Variants in TNS3 observed in about 807,000 individuals in gnomAD.
The protein encoded by TNS3 is tensin-3.
TNS3 carries 45 observed loss-of-function variants against 140.9 expected under a neutral mutation model. The observed-to-expected ratio is 0.32, with a 90% CI of 0.25 to 0.41. The LOEUF is 0.41. Ranked by LOEUF, TNS3 falls within the 10% of genes least tolerant of loss-of-function variation. The probability of loss-of-function intolerance (pLI) is 1.00; values close to 1 mark genes in which losing one functional copy is unlikely to be tolerated. For synonymous variants in TNS3, 815 were observed against 788.4 expected, an observed-to-expected ratio of 1.03 and a Z score of -0.56; for missense variants, 1,716 against 1,906.7, an observed-to-expected ratio of 0.90 and a Z score of 1.86.
At chr7:47,380,418 G>A (rs545485031) in intron 16 of TNS3, among the ~76,000 whole-genome samples, 22 of 152,314 alleles carry the variant, frequency 1.4e-4, no homozygotes, top group South Asian at 2.1e-4. Flanking sequence ...CCACAGAGGC[G>A]GCCAGAGAGC....
chr7:47,430,132 T>TTTTC (rs1491378925), intron 8 of TNS3, among the ~76,000 whole-genome samples: 1 of 50,362 alleles, frequency 2.0e-5, no homozygotes, highest in African/African-American at 7.2e-5. Flanking sequence ...TTTTCTTTTC[T>TTTTC]TTTTTTTTTT....
chr7:47,313,699 C>T (rs973028089), intron 20 of TNS3, among the ~76,000 whole-genome samples: 3 of 152,158 alleles, frequency 2.0e-5, no homozygotes, highest in South Asian at 2.1e-4. Flanking sequence ...TCTAGAAGAC[C>T]CCATGCCATG....
chr7:47,537,463 G>T (rs1799643576), intron 1 of TNS3, among the ~76,000 whole-genome samples: 1 of 151,088 alleles, frequency 6.6e-6, no homozygotes, highest in Non-Finnish European at 1.5e-5. Flanking sequence ...AGGCTGAGCC[G>T]CCAAACACTG....
chr7:47,377,265 G>C (rs1457099268), intron 16 of TNS3, among the ~76,000 whole-genome samples: 1 of 152,234 alleles, frequency 6.6e-6, no homozygotes, highest in Non-Finnish European at 1.5e-5. Flanking sequence ...TGAAGACAGA[G>C]AGGCTTCGGT....
At chr7:47,316,094 T>TTCTCTCTCTCTCTC (rs56939479) in intron 20 of TNS3, among the ~76,000 whole-genome samples, 4 of 105,782 alleles carry the variant, frequency 3.8e-5, no homozygotes, top group Non-Finnish European at 5.9e-5. Flanking sequence ...AACTAACTAT[T>TTCTCTCTCTCTCTC]TCTCTCTCTC....
In TNS3 at chr7:47,379,512, C is replaced by T. The variant is rs141473922; in HGVS notation, c.1025-9891G>A. On this transcript the variant is annotated intron_variant, in intron 16 of 30. Transcript: ENST00000311160. Reference sequence around the variant, plus strand: ...TACACTTGGGTCTTTGAGAACACTGCTTTTAATCTACTAAATCAGATACTC... The same window carrying T: ...TACACTTGGGTCTTTGAGAACACTGTTTTTAATCTACTAAATCAGATACTC... 2.6e-5 allele frequency among the ~76,000 whole-genome samples: 4 copies of T among 152,264 alleles called. No homozygotes were observed. In the East Asian group the frequency reaches 5.8e-4, roughly 22 times the overall value.
intron 3 of TNS3, among the ~76,000 whole-genome samples, chr7:47,495,862 T>C (rs923611055): frequency 6.6e-6 from 1 of 152,186 alleles, no homozygotes. Context: ...GCAGCACACC[T>C]TCCTCCTCCA....
rs1320814015 is a variant in TNS3, at chr7:47,276,888, CAAAGA to C, written c.*1183_*1187del. On this transcript the variant is annotated 3_prime_UTR_variant, in exon 31 of 31. Transcript: ENST00000311160. ...AACCCCAAGGTGGCAAGGAGCAGCA[CAAAGA>C]GGGCTGATAAATGCAGGCGAACTTC... 1 of 152,178 alleles carries C rather than the reference CAAAGA, an allele frequency of 6.6e-6. No homozygotes were observed. Among genetic ancestry groups the C allele is most frequent in the African/African-American group, 2.4e-5 (1 of 41,436 alleles). 9.4% of individuals were successfully genotyped at this position (152,178 alleles called of 1,614,324 possible).
intron 2 of TNS3, among the ~76,000 whole-genome samples, chr7:47,518,589 G>T (rs1457887687): frequency 6.6e-6 from 1 of 152,198 alleles, no homozygotes; most frequent in Non-Finnish European, 1.5e-5. Flanking sequence ...AGCACTTTGG[G>T]AGGCAAAGTT....
At chr7:47,379,691 G>GC (rs1423269237) in intron 16 of TNS3, among the ~76,000 whole-genome samples, 1 of 152,102 alleles carries the variant, frequency 6.6e-6, no homozygotes, top group African/African-American at 2.4e-5. Context: ...CTAAGGCATT[G>GC]CTCCCTTGGT....
At chr7:47,415,020 A>G (rs530345567) in intron 11 of TNS3, 74 bp downstream of exon 11, 2 of 1,138,182 alleles carry the variant, frequency 1.8e-6, no homozygotes, top group South Asian at 2.8e-5. Context: ...AGGCTTATCT[A>G]AATTGAGGGG....
chr7:47,578,853 A>C (rs765432159), intron 1 of TNS3, among the ~76,000 whole-genome samples: 4 of 152,256 alleles, frequency 2.6e-5, no homozygotes, highest in Non-Finnish European at 5.9e-5. Context: ...GCCCCACGGC[A>C]GGACACGGGC....
chr7:47,516,956 G>C lies in TNS3; in HGVS notation c.-152-10012C>G, dbSNP rs530415753. 4.4e-4 allele frequency among the ~76,000 whole-genome samples: 67 copies of C among 152,238 alleles called. 1 individual carries two copies. Among genetic ancestry groups the C allele is most frequent in the South Asian group, 1.7e-3 (8 of 4,826 alleles). Reference sequence around the variant, plus strand: ...TGGGCGCCTGTAATCCCAGCTACTCGGGAAGCTGAGGCAGGAGAATCACTT... The same window carrying C: ...TGGGCGCCTGTAATCCCAGCTACTCCGGAAGCTGAGGCAGGAGAATCACTT... On this transcript the variant is annotated intron_variant, in intron 2 of 30. Coordinates refer to ENST00000311160, the MANE Select transcript of TNS3 (RefSeq NM_022748.12).
intron 9 of TNS3, among the ~76,000 whole-genome samples, chr7:47,424,533 T>C (rs1286097704): frequency 3.9e-5 from 6 of 152,326 alleles, no homozygotes; most frequent in Middle Eastern, 3.4e-3. Context: ...TGTCCAAAAC[T>C]GTCCCTTGGC....
chr7:47,446,787 G>A (rs1012152073), intron 4 of TNS3, among the ~76,000 whole-genome samples: 1 of 147,886 alleles, frequency 6.8e-6, no homozygotes, highest in Non-Finnish European at 1.5e-5. Context: ...TGACTTCTCG[G>A]GCTCAGATCA....
chr7:47,418,848 T>C (rs1794220425), intron 10 of TNS3, among the ~76,000 whole-genome samples: 1 of 152,254 alleles, frequency 6.6e-6, no homozygotes, highest in African/African-American at 2.4e-5. Flanking sequence ...TAAATCTGTC[T>C]GAAATGGTGG....
intron 30 of TNS3, 48 bp from the exon 31 acceptor site, chr7:47,278,268 C>A: frequency 6.4e-7 from 1 of 1,573,904 alleles, no homozygotes. Context: ...CACAAAGTAC[C>A]AAGCTTCTAC....
intron 1 of TNS3, among the ~76,000 whole-genome samples, chr7:47,553,955 C>A (rs982912186): frequency 6.6e-6 from 1 of 151,918 alleles, no homozygotes; most frequent in African/African-American, 2.4e-5. Flanking sequence ...CAGGAGGCTG[C>A]CACCAAGCCT....
intron 20 of TNS3, among the ~76,000 whole-genome samples, chr7:47,323,676 A>G (rs1256912438): frequency 1.3e-5 from 2 of 152,250 alleles, no homozygotes; most frequent in Non-Finnish European, 1.5e-5. Flanking sequence ...CAACAATTGT[A>G]CTTTAAAAAT....
Sources: allele counts gnomAD v4.1 joint callset (sites outside exome capture counted in the v4.1 genomes callset), GRCh38; gene constraint gnomAD v4.1.1; transcripts MANE v1.5; gene names NCBI Gene and HGNC (gene_info 2026-07-23, HGNC 2026-07-21).